Variants in SPTBN2 observed in about 807,000 individuals in gnomAD.
The protein encoded by SPTBN2 is spectrin beta chain, non-erythrocytic 2.
SPTBN2 carries 107 observed loss-of-function variants against 284.2 expected under a neutral mutation model. That is an observed-to-expected ratio of 0.38 (90% confidence interval 0.32 to 0.44). The LOEUF is 0.44. Among genes scored for constraint, SPTBN2 ranks in the 20% least tolerant of loss-of-function variants. The pLI is 1.00. For synonymous variants in SPTBN2, 1,289 were observed against 1,354.8 expected (o/e 0.95, Z 1.07); for missense variants, 2,569 against 3,287.1 (o/e 0.78, Z 5.34).
intron 21 of SPTBN2, among the ~76,000 whole-genome samples, chr11:66,694,886 C>T (rs1040056388): frequency 9.2e-5 from 14 of 152,316 alleles, no homozygotes; most frequent in Non-Finnish European, 1.5e-4. Flanking sequence ...GGGCATTCCA[C>T]GGTTCCAAGG....
chr11:66,734,416 C>G (rs771233787), intron 1 of SPTBN2, among the ~76,000 whole-genome samples: 3 of 152,162 alleles, frequency 2.0e-5, no homozygotes, highest in Non-Finnish European at 4.4e-5. Flanking sequence ...CCTCTCCAGC[C>G]TGGTCTCTCA....
At position 66,715,804 on chromosome 11, in the gene SPTBN2, C is replaced by T. The variant is rs752447019; in HGVS notation, c.309+26G>A. 1.2e-6 allele frequency: 2 copies of T among 1,613,216 alleles called. No homozygotes were observed. The highest frequency in any genetic ancestry group is 1.3e-5 in the African/African-American group (1 of 74,970). On this transcript the variant is annotated intron_variant, in intron 4 of 37. Coordinates refer to ENST00000533211, the MANE Select transcript of SPTBN2 (RefSeq NM_006946.4). This position sits in a 1 kb window ranked among gnomAD's most constrained non-coding sequence, Gnocchi z 5.3. ...CTTGGACACTTTTCTAAGGCCCCCC[C>T]ACTTCCCTTCATGACCACAGCTCAC...
Position 66,715,932 on chromosome 11 carries a change from C to T in SPTBN2, c.207G>A (p.Ser69=), listed in dbSNP as rs748341964. 30 of 1,613,990 alleles carry T rather than the reference C, an allele frequency of 1.9e-5. No homozygotes were observed. The highest frequency in any genetic ancestry group is 1.5e-5 in the Non-Finnish European group (18 of 1,180,026). ...CCCGGCACGTGACCCGGGCCAGGTG[C>T]GAGTTTACCCACTTGGTGAAGGTTT... The part of the protein sequence containing the change: ...QKKTFTKWVN[S]HLARVTCRVG... The change falls in exon 4 of 38, where the codon TCG becomes TCA. Residue 69 remains serine, a synonymous_variant. Coordinates refer to ENST00000533211, the MANE Select transcript of SPTBN2 (RefSeq NM_006946.4). This position sits in a 1 kb window ranked among gnomAD's most constrained non-coding sequence, Gnocchi z 5.3.
Position 66,685,655 on chromosome 11 carries a change from C to G in SPTBN2, c.*216G>C, listed in dbSNP as rs1940059671. 1 of 581,190 alleles carries G rather than the reference C, an allele frequency of 1.7e-6. No homozygotes were observed. The allele number at this position is 581,190 out of a possible 1,614,324, so 36.0% of individuals were successfully genotyped here. ...CGGCGGGGGTGGGAGAGGGGGTTAC[C>G]TGGGTCCCACCACCAGTCTGGAATT... On this transcript the variant is annotated 3_prime_UTR_variant, in exon 38 of 38. Transcript: ENST00000533211. The surrounding 1 kb of genome is among the most constrained non-coding windows in gnomAD (Gnocchi z 4.4).
In SPTBN2 at chr11:66,698,790, A is replaced by G. The variant is rs764001374; in HGVS notation, c.3868-5T>C. ...CTCGTCGATCCAGAGCTTCAGCTGG[A>G]CCAAACATAAAACAGGGACATTTCC... On this transcript the variant is annotated splice_region_variant and splice_polypyrimidine_tract_variant and intron_variant, in intron 19 of 37. Coordinates refer to ENST00000533211, the MANE Select transcript of SPTBN2 (RefSeq NM_006946.4). 9 of 1,613,172 alleles carry G rather than the reference A, an allele frequency of 5.6e-6. No homozygotes were observed. The highest frequency in any genetic ancestry group is 1.6e-4 in the Middle Eastern group (1 of 6,084).
In SPTBN2 at chr11:66,693,688, G is replaced by C; in HGVS notation, c.4593+84C>G. On this transcript the variant is annotated intron_variant, in intron 23 of 37. Coordinates refer to ENST00000533211, the MANE Select transcript of SPTBN2 (RefSeq NM_006946.4). The surrounding 1 kb of genome is among the most constrained non-coding windows in gnomAD (Gnocchi z 5.7). Reference sequence around the variant, plus strand: ...AGTCCAGGGTTACACTCAGCATCGAGGGGGGCCTGGTCTTAAGAAAAAACA... The same window carrying C: ...AGTCCAGGGTTACACTCAGCATCGACGGGGGCCTGGTCTTAAGAAAAAACA... The C allele has an allele frequency of 7.1e-7, 1 of 1,399,972 alleles. No homozygotes were observed. The highest frequency in any genetic ancestry group is 9.9e-7 in the Non-Finnish European group (1 of 1,010,476). The allele number at this position is 1,399,972 out of a possible 1,614,324, so 86.7% of individuals were successfully genotyped here. A position where few individuals can be genotyped will look rare whatever the true frequency, so the allele number is the denominator to read the frequency against.
rs368160740 is a variant in SPTBN2, at chr11:66,690,215, G to A, written c.5634C>T (p.Ile1878=). ...CGGCCACGGCCTGCATGTGGCGGCCGATCTCCTCAGCCTTGTCTCCAGCGT... is the reference window on the plus strand; with the variant it reads ...CGGCCACGGCCTGCATGTGGCGGCCAATCTCCTCAGCCTTGTCTCCAGCGT... ...KAYAGDKAEE[I]GRHMQAVAEA... The change falls in exon 28 of 38, where the codon ATC becomes ATT. Residue 1878 remains isoleucine (I), a synonymous_variant. Coordinates refer to ENST00000533211, the MANE Select transcript of SPTBN2 (RefSeq NM_006946.4). 15 of 1,613,684 alleles carry A rather than the reference G, an allele frequency of 9.3e-6. No homozygotes were observed. Among genetic ancestry groups the A allele is most frequent in the Admixed American group, 3.3e-5 (2 of 59,992 alleles).
chr11:66,714,193 A>G, intron 6 of SPTBN2, 22 bp from the exon 7 acceptor site: 2 of 1,613,464 alleles, frequency 1.2e-6, no homozygotes, highest in Non-Finnish European at 1.7e-6. Flanking sequence ...GATTCAGAAA[A>G]TGGTGAGTAG....
chr11:66,738,072 G>C (rs1438168800), intron 1 of SPTBN2, among the ~76,000 whole-genome samples: 3 of 152,104 alleles, frequency 2.0e-5, no homozygotes, highest in Admixed American at 2.0e-4. Flanking sequence ...AAAATTAGCT[G>C]GGTGTGGTGG....
At position 66,707,623 on chromosome 11, in the gene SPTBN2, A is replaced by G; in HGVS notation, c.1546T>C (p.Leu516=). ...QHNVARLWDF[L]RQMVAARRER... is the part of the protein sequence containing the mutation. ...CGCCGGGCGGCCACCATCTGCCGCA[A>G]GAAGTCCCAGAGCCGTGCCACGTTG... The change falls in exon 13 of 38, where the codon TTG becomes CTG. Residue 516 remains leucine, a synonymous_variant. Transcript: ENST00000533211. This position sits in a 1 kb window ranked among gnomAD's most constrained non-coding sequence, Gnocchi z 4.9. 1 of 1,610,662 alleles carries G rather than the reference A, an allele frequency of 6.2e-7. No individual in the cohort carries two copies. The highest frequency in any genetic ancestry group is 8.5e-7 in the Non-Finnish European group (1 of 1,179,982).
At chr11:66,735,805 T>C (rs1452439897) in intron 1 of SPTBN2, among the ~76,000 whole-genome samples, 1 of 152,178 alleles carries the variant, frequency 6.6e-6, no homozygotes, top group African/African-American at 2.4e-5. Context: ...GTTATCTTGA[T>C]TGGTGAAGTT....
At chr11:66,714,201 T>C (rs1399727438) in intron 6 of SPTBN2, 30 bp from the exon 7 acceptor site, 1 of 1,612,144 alleles carries the variant, frequency 6.2e-7, no homozygotes, top group African/African-American at 1.3e-5. Context: ...AAATGGTGAG[T>C]AGGGCTGAGC....
chr11:66,708,462 T>A lies in SPTBN2; in HGVS notation c.1192-163A>T, dbSNP rs1219917024. ...ACAGGAAACAGGGCAGCGCTGGGAG[T>A]CTGTGAAGCCATGTAGAAGCTTCTG... On this transcript the variant is annotated intron_variant, in intron 11 of 37. Transcript: ENST00000533211. The surrounding 1 kb of genome is among the most constrained non-coding windows in gnomAD (Gnocchi z 4.4). Among the ~76,000 whole-genome samples the A allele has an allele frequency of 6.6e-6, 1 of 151,994 alleles. No individual in the cohort carries two copies. The highest frequency in any genetic ancestry group is 2.4e-5 in the African/African-American group (1 of 41,356).
In SPTBN2 at chr11:66,709,013, G is replaced by A. The variant is rs1941716230; in HGVS notation, c.1080C>T (p.Thr360=). Residue 360 remains threonine (T), a synonymous_variant, in exon 11 of 38, where the codon ACC becomes ACT. Transcript: ENST00000533211. ...GCAGCACTTCCAAGTTCCCTTTCTC[G>A]GTAAACCTGAGGCAGGAGGCCGGGT... The part of the protein sequence containing the change: ...YRTVEKPPKF[T]EKGNLEVLLF... 2.5e-6 allele frequency: 4 copies of A among 1,613,914 alleles called. No homozygotes were observed. Among genetic ancestry groups the A allele is most frequent in the East Asian group, 4.5e-5 (2 of 44,872 alleles).
At chr11:66,688,344 G>T (rs1206052074) in intron 31 of SPTBN2, 33 bp from the exon 32 acceptor site, 26 of 1,556,162 alleles carry the variant, frequency 1.7e-5, no homozygotes, top group Non-Finnish European at 2.0e-5. Context: ...GCGTGTAGAA[G>T]GTTGCGTGTA....
intron 21 of SPTBN2, among the ~76,000 whole-genome samples, chr11:66,695,320 A>T (rs574798134): frequency 6.6e-6 from 1 of 152,350 alleles, no homozygotes; most frequent in Admixed American, 6.5e-5. Flanking sequence ...CAGTGGCACG[A>T]TCACAGCCCA....
At position 66,690,288 on chromosome 11, in the gene SPTBN2, G is replaced by T. The variant is rs192159470; in HGVS notation, c.5566-5C>A. The T allele has an allele frequency of 6.2e-7, 1 of 1,602,456 alleles. No homozygotes were observed. The highest frequency in any genetic ancestry group is 1.7e-5 in the Admixed American group (1 of 59,410). ...GTCGTCCTGCACCTGCTGGACCTGC[G>T]GAGCCCCGGGTCAGAGTCAGGCAGA... On this transcript the variant is annotated splice_region_variant and splice_polypyrimidine_tract_variant and intron_variant, in intron 27 of 37. Coordinates refer to ENST00000533211, the MANE Select transcript of SPTBN2 (RefSeq NM_006946.4).
chr11:66,700,731 C>T lies in SPTBN2; in HGVS notation c.3368G>A (p.Arg1123Gln), dbSNP rs147782745. The T allele has an allele frequency of 3.0e-5, 48 of 1,603,382 alleles. No homozygotes were observed. In the Middle Eastern group the frequency reaches 4.9e-4, roughly 17 times the overall value. Residue 1123 changes from arginine to glutamine, a missense_variant, in exon 17 of 38, where the codon CGG (arginine) becomes CAG (glutamine). Arg to Gln is a conservative substitution (Grantham distance 43, BLOSUM62 1). Around this residue, in one of 6 missense-constraint regions of SPTBN2, gnomAD observed 1,012 missense variants for 1,248.9 expected, o/e 0.81. Coordinates refer to ENST00000533211, the MANE Select transcript of SPTBN2 (RefSeq NM_006946.4). The surrounding 1 kb of genome is among the most constrained non-coding windows in gnomAD (Gnocchi z 6.6). ...CACCTCCTCGCCCAGGGCTCGCAGC[C>T]GGCTATACTCGCTCTGGGCCCGCTC... is the stretch of plus-strand genomic sequence containing the variant. ...EVERAQSEYS[R>Q]LRALGEEVTR...
chr11:66,689,063 C>T (rs1407707123), intron 30 of SPTBN2, 33 bp downstream of exon 30: 1 of 1,586,062 alleles, frequency 6.3e-7, no homozygotes, highest in African/African-American at 1.3e-5. Context: ...CCCCCCACTC[C>T]CCACAGGGCC....
Sources: gnomAD v4.1 joint callset for allele counts (sites outside exome capture counted in the v4.1 genomes callset) on GRCh38, gnomAD v4.1.1 for gene constraint, gnomAD v4.1.1 regional missense constraint, Gnocchi (gnomAD v3.1) non-coding constraint, MANE v1.5 for transcripts, NCBI Gene and HGNC (gene_info 2026-07-23, HGNC 2026-07-21) for gene names.